The following CEP89 variants were observed in gnomAD, a reference collection of about 807,000 sequenced individuals.
CEP89 encodes centrosomal protein 89, also known as centrosomal protein of 89 kDa.
In CEP89, 95 loss-of-function variants were observed where a neutral mutation model predicts 97.6. The observed-to-expected ratio is 0.97, with a 90% confidence interval of 0.82 to 1.15. The LOEUF is 1.15. Ranked by LOEUF, CEP89 falls within the 50% of genes most tolerant of loss-of-function variation. The pLI is 0.00. For synonymous variants in CEP89, 354 were observed against 349.1 expected (o/e 1.01, Z -0.16); for missense variants, 869 against 947.7 (o/e 0.92, Z 1.09).
At chr19:32,906,454 T>C (rs1405239393) in intron 14 of CEP89, among the ~76,000 whole-genome samples, 1 of 152,228 alleles carries the variant, frequency 6.6e-6, no homozygotes, top group Non-Finnish European at 1.5e-5. Context: ...GCCTTGTGCC[T>C]GATTATATGC....
At chr19:32,896,912 GA>G (rs1158880601) in intron 16 of CEP89, among the ~76,000 whole-genome samples, 1 of 151,508 alleles carries the variant, frequency 6.6e-6, no homozygotes, top group African/African-American at 2.4e-5. Flanking sequence ...ACAGGCATAT[GA>G]AAAAAATGCT....
intron 4 of CEP89, among the ~76,000 whole-genome samples, chr19:32,950,018 T>C (rs929859822): frequency 7.4e-5 from 11 of 149,648 alleles, no homozygotes; most frequent in South Asian, 4.3e-4. Context: ...AATGGCCCCG[T>C]ACTTTTTTTT....
At chr19:32,909,130 A>G (rs1471765550) in intron 14 of CEP89, among the ~76,000 whole-genome samples, 1 of 152,072 alleles carries the variant, frequency 6.6e-6, no homozygotes, top group East Asian at 1.9e-4. Context: ...TGCTTTTACT[A>G]TTTTCTAGAA....
At chr19:32,892,082 A>G (rs1969530598) in intron 16 of CEP89, among the ~76,000 whole-genome samples, 1 of 145,034 alleles carries the variant, frequency 6.9e-6, no homozygotes, top group Non-Finnish European at 1.5e-5. Context: ...AGTCAAATAC[A>G]GAATTCTAAA....
intron 2 of CEP89, among the ~76,000 whole-genome samples, chr19:32,963,269 T>G (rs886483455): frequency 6.6e-6 from 1 of 152,090 alleles, no homozygotes; most frequent in African/African-American, 2.4e-5. Flanking sequence ...AGCATGAGAA[T>G]CGCTTGAATC....
At chr19:32,937,392 G>T in intron 7 of CEP89, 1 of 465,110 alleles carries the variant, frequency 2.2e-6, no homozygotes, top group South Asian at 2.4e-5. Context: ...CAGGATCCCA[G>T]CATATCCCAC....
intron 10 of CEP89, 136 bp from the exon 11 acceptor site, chr19:32,926,409 T>A (rs770756907): frequency 4.1e-5 from 27 of 653,568 alleles, no homozygotes; most frequent in Non-Finnish European, 6.2e-5. Context: ...TTAACGACTC[T>A]CCCAGCTCAG....
rs922416719 is a variant in CEP89 at position 32,901,304 on chromosome 19, A to G, written c.1674T>C (p.Ser558=). The G allele has an allele frequency of 6.2e-7, 1 of 1,614,060 alleles. No individual in the cohort carries two copies. Among genetic ancestry groups the G allele is most frequent in the African/African-American group, 1.3e-5 (1 of 75,000 alleles). Reference sequence around the variant, plus strand: ...CCAGTGCTTTGTTTTGCTCTGTCAAACTGTTCTTCTCTAACAGCAGGCTCT... The same window carrying G: ...CCAGTGCTTTGTTTTGCTCTGTCAAGCTGTTCTTCTCTAACAGCAGGCTCT... ...QKKSLLLEKN[S]LTEQNKALEA... is the part of the protein sequence containing the mutation. The change falls in exon 15 of 19, where the codon AGT becomes AGC. Residue 558 remains serine, a synonymous_variant. Transcript: ENST00000305768.
intron 2 of CEP89, among the ~76,000 whole-genome samples, chr19:32,964,723 T>C (rs1022182811): frequency 2.6e-5 from 4 of 152,018 alleles, no homozygotes; most frequent in Middle Eastern, 3.4e-3. Flanking sequence ...AGCTAATCCA[T>C]AGTGTGAGAA....
rs1431979362 is a variant in CEP89 at position 32,889,065 on chromosome 19, TA to T, written c.1876-1225del. 8.5e-5 allele frequency among the ~76,000 whole-genome samples: 13 copies of T among 152,256 alleles called. No individual in the cohort carries two copies. In the East Asian group the frequency reaches 2.3e-3, roughly 27 times the overall value. ...GGAGTCCTCCCACTGTTGGTGTATG[TA>T]CAGGGTTGGGTAAGGGCTCTCACGA... On this transcript the variant is annotated intron_variant, in intron 16 of 18. Coordinates refer to ENST00000305768, the MANE Select transcript of CEP89 (RefSeq NM_032816.5).
intron 2 of CEP89, among the ~76,000 whole-genome samples, chr19:32,964,680 T>C (rs1412750355): frequency 1.3e-5 from 2 of 152,182 alleles, no homozygotes; most frequent in Non-Finnish European, 2.9e-5. Context: ...GTATTTTATG[T>C]AACTCCACTT....
intron 5 of CEP89, among the ~76,000 whole-genome samples, chr19:32,940,254 T>C (rs1247329724): frequency 2.0e-4 from 15 of 76,314 alleles, no homozygotes; most frequent in African/African-American, 3.9e-4. Context: ...CTTCCAACAC[T>C]CCTCCCCATC....
rs1208278564 is a variant in CEP89 at position 32,971,819 on chromosome 19, G to A, written c.39+17C>T. On this transcript the variant is annotated intron_variant, in intron 1 of 18. Coordinates refer to ENST00000305768, the MANE Select transcript of CEP89 (RefSeq NM_032816.5). ...GCCCCACAGAGCCCCACGCGCGGCG[G>A]GCGAGCATCTACTTACGAAATGACT... 3 of 1,588,802 alleles carry A rather than the reference G, an allele frequency of 1.9e-6. No individual in the cohort carries two copies. Among genetic ancestry groups the A allele is most frequent in the South Asian group, 1.1e-5 (1 of 87,688 alleles).
Position 32,887,001 on chromosome 19 carries a change from C to A in CEP89, c.1965+751G>T, listed in dbSNP as rs1969411637. On this transcript the variant is annotated intron_variant, in intron 17 of 18. Coordinates refer to ENST00000305768, the MANE Select transcript of CEP89 (RefSeq NM_032816.5). ...GACCACCCTGGGCAACATAGCAAGA[C>A]CTCATCTCTAAACAAAAAAAAAAAA... Among the ~76,000 whole-genome samples the A allele has an allele frequency of 3.5e-5, 5 of 142,832 alleles. No homozygotes were observed. In the South Asian group the frequency reaches 1.2e-3, roughly 33 times the overall value. 93.7% of individuals were successfully genotyped at this position (142,832 alleles called of 152,430 possible). A position where few individuals can be genotyped will look rare whatever the true frequency, so the allele number is the denominator to read the frequency against.
At chr19:32,913,570 C>T (rs936846471) in intron 14 of CEP89, among the ~76,000 whole-genome samples, 1 of 151,918 alleles carries the variant, frequency 6.6e-6, no homozygotes. Flanking sequence ...CTATAAGTCC[C>T]ACATCCTGGG....
chr19:32,930,580 T>C (rs1865038), intron 9 of CEP89, among the ~76,000 whole-genome samples: 137,210 of 152,050 alleles, frequency 0.9, 62,083 homozygotes, highest in African/African-American at 0.98. Context: ...CCTTCCCGCC[T>C]TCTACCCCAG....
intron 18 of CEP89, among the ~76,000 whole-genome samples, chr19:32,880,208 A>G (rs1240572125): frequency 6.6e-6 from 1 of 152,210 alleles, no homozygotes; most frequent in Non-Finnish European, 1.5e-5. Context: ...CAGGCTGGAG[A>G]GGCCAGCTCC....
intron 5 of CEP89, among the ~76,000 whole-genome samples, chr19:32,944,219 G>GAAAAAAAAAAAAAAAA (rs1222585322): frequency 6.3e-5 from 1 of 15,824 alleles, no homozygotes; most frequent in African/African-American, 6.4e-4. Flanking sequence ...GTGAGACCCT[G>GAAAAAAAAAAAAAAAA]TAAAAAAAAA....
chr19:32,901,401 T>C lies in CEP89; in HGVS notation c.1577A>G (p.Lys526Arg). 1.2e-6 allele frequency: 2 copies of C among 1,611,748 alleles called. No homozygotes were observed. Among genetic ancestry groups the C allele is most frequent in the Non-Finnish European group, 1.7e-6 (2 of 1,179,494 alleles). Reference protein sequence around the residue: ...IVNELKSQLQKEEEKERAEME... With the variant: ...IVNELKSQLQREEEKERAEME... The stretch of plus-strand genomic sequence containing the variant: ...CTCAGCCCTTTCTTTCTCTTCTTCC[T>C]TCTGTAATTGGCTGAAGGACAAAAA... Residue 526 changes from lysine (K) to arginine (R), a missense_variant, in exon 15 of 19, where the codon AAG (lysine) becomes AGG (arginine). Physicochemically the swap from Lys to Arg is conservative, Grantham distance 26 (BLOSUM62 2). Coordinates refer to ENST00000305768, the MANE Select transcript of CEP89 (RefSeq NM_032816.5).
Sources: gnomAD v4.1 joint callset for allele counts (sites outside exome capture counted in the v4.1 genomes callset) on GRCh38, gnomAD v4.1.1 for gene constraint, MANE v1.5 for transcripts, NCBI Gene and HGNC (gene_info 2026-07-23, HGNC 2026-07-21) for gene names.